The following PTCSC3 variants were observed in gnomAD, a reference collection of about 807,000 sequenced individuals.
PTCSC3 encodes the protein papillary thyroid carcinoma susceptibility candidate 3 (non-protein coding).
At chr14:36,168,566 C>T (rs900908048) in intron 1 of PTCSC3, among the ~76,000 whole-genome samples, 1 of 151,506 alleles carries the variant, frequency 6.6e-6, no homozygotes, top group Non-Finnish European at 1.5e-5. Context: ...ATAATAGAAG[C>T]AGAAACTCAG....
intron 3 of PTCSC3, among the ~76,000 whole-genome samples, chr14:36,142,145 G>A (rs961478905): frequency 6.6e-6 from 1 of 152,158 alleles, no homozygotes; most frequent in Non-Finnish European, 1.5e-5. Context: ...TAAGTATGAT[G>A]TTAGCTGGAA....
At chr14:36,156,162 C>A (rs1161046431) in intron 2 of PTCSC3, among the ~76,000 whole-genome samples, 10 of 152,316 alleles carry the variant, frequency 6.6e-5, no homozygotes, top group Non-Finnish European at 1.5e-4. Flanking sequence ...CATCACCGTA[C>A]GTCTCTGCTC....
intron 2 of PTCSC3, among the ~76,000 whole-genome samples, chr14:36,154,640 G>T (rs1881791060): frequency 6.6e-6 from 1 of 152,090 alleles, no homozygotes; most frequent in Admixed American, 6.5e-5. Flanking sequence ...GGGGATGAGG[G>T]TCTGACTGGG....
chr14:36,175,657 A>G (rs1882269827), intron 1 of PTCSC3, among the ~76,000 whole-genome samples: 1 of 152,222 alleles, frequency 6.6e-6, no homozygotes, highest in South Asian at 2.1e-4. Context: ...GAAAGAAAGG[A>G]GGAAGAACCC....
chr14:36,138,603 T>C (rs1188586951), intron 3 of PTCSC3, among the ~76,000 whole-genome samples: 3 of 152,210 alleles, frequency 2.0e-5, no homozygotes, highest in Non-Finnish European at 4.4e-5. Flanking sequence ...TCATTAATCA[T>C]TAAGGATATG....
intron 1 of PTCSC3, chr14:36,164,231 T>G (rs1297216999): frequency 3.3e-5 from 5 of 152,210 alleles, no homozygotes; most frequent in Non-Finnish European, 1.5e-5. Context: ...ACCTGTACTC[T>G]CAAGACTTAG....
chr14:36,139,816 A>G (rs552669510), intron 3 of PTCSC3, among the ~76,000 whole-genome samples: 4 of 152,320 alleles, frequency 2.6e-5, no homozygotes, highest in South Asian at 4.1e-4. Flanking sequence ...TAATTAATAA[A>G]CCAATATTGA....
chr14:36,137,162 AAGG>A (rs1370936510), intron 3 of PTCSC3, among the ~76,000 whole-genome samples: 1 of 152,168 alleles, frequency 6.6e-6, no homozygotes, highest in Non-Finnish European at 1.5e-5. Flanking sequence ...CAAAGGGAGG[AAGG>A]AGGCCATGCA....
downstream of PTCSC3, among the ~76,000 whole-genome samples, chr14:36,135,628 A>G (rs571228716): frequency 3.9e-5 from 6 of 152,298 alleles, no homozygotes; most frequent in South Asian, 2.1e-4. Context: ...CTCATGCTGT[A>G]TGTGTCATAA....
At chr14:36,135,597 T>C (rs2139083839), downstream of PTCSC3, among the ~76,000 whole-genome samples, 1 of 152,316 alleles carries the variant, frequency 6.6e-6, no homozygotes, top group Admixed American at 6.5e-5. Context: ...AGGCACTGAC[T>C]TCAAAATTTT....
intron 2 of PTCSC3, among the ~76,000 whole-genome samples, chr14:36,158,020 T>C (rs550932380): frequency 6.6e-6 from 1 of 152,330 alleles, no homozygotes; most frequent in Admixed American, 6.5e-5. Flanking sequence ...TTTGAAGCAA[T>C]GGCAAATGGG....
intron 1 of PTCSC3, among the ~76,000 whole-genome samples, chr14:36,170,603 A>G (rs1056279685): frequency 1.3e-5 from 2 of 152,108 alleles, no homozygotes; most frequent in Admixed American, 1.3e-4. Context: ...AAAATAACCT[A>G]GAGTTTAATT....
chr14:36,139,893 G>A (rs1295557858), intron 3 of PTCSC3, among the ~76,000 whole-genome samples: 4 of 152,148 alleles, frequency 2.6e-5, no homozygotes, highest in African/African-American at 7.2e-5. Context: ...AGTTCTGTGG[G>A]TTTTGACAAA....
chr14:36,166,945 C>T (rs536491020), intron 1 of PTCSC3, among the ~76,000 whole-genome samples: 51 of 152,218 alleles, frequency 3.4e-4, no homozygotes, highest in South Asian at 6.2e-4. Context: ...AACTTTATAG[C>T]GACCAACAAA....
chr14:36,135,889 G>A (rs80190337), downstream of PTCSC3, among the ~76,000 whole-genome samples: 1,077 of 139,434 alleles, frequency 7.7e-3, 8 homozygotes, highest in African/African-American at 0.021. Flanking sequence ...GTGTGTGTGT[G>A]TATATATATA....
downstream of PTCSC3, among the ~76,000 whole-genome samples, chr14:36,135,577 T>A (rs545212957): frequency 6.9e-4 from 105 of 152,324 alleles, no homozygotes; most frequent in South Asian, 0.012. Context: ...TCTGCACCTG[T>A]GAACCACAGA....
chr14:36,134,900 G>C (rs1281218214), downstream of PTCSC3, among the ~76,000 whole-genome samples: 1 of 152,204 alleles, frequency 6.6e-6, no homozygotes. Flanking sequence ...TTTATGGGCA[G>C]GGCATCGTTT....
chr14:36,168,319 C>A (rs1481474431), intron 1 of PTCSC3, among the ~76,000 whole-genome samples: 5 of 144,168 alleles, frequency 3.5e-5, no homozygotes, highest in Admixed American at 2.8e-4. Context: ...CCTTTGCATT[C>A]CATTAAAACC....
Position 36,139,143 on chromosome 14 carries a change from AAT to A in PTCSC3, n.323-2789_323-2788del, listed in dbSNP as rs1369590626. ...ATAAAAAAAAAAAAAAAAAAAAAGA[AAT>A]GCATATATGTCCATACAAAGACTGC... On this transcript the variant is annotated intron_variant and non_coding_transcript_variant, in intron 3 of 3. Coordinates refer to ENST00000556013, the Ensembl canonical transcript of PTCSC3. Among the ~76,000 whole-genome samples, 512 of 128,002 alleles carry A rather than the reference AAT, an allele frequency of 4.0e-3. 17 individuals are homozygous for A. The highest frequency in any genetic ancestry group is 7.1e-3 in the African/African-American group (227 of 32,112). 84.0% of individuals were successfully genotyped at this position (128,002 alleles called of 152,430 possible).
Sources: gnomAD v4.1 joint callset for allele counts (sites outside exome capture counted in the v4.1 genomes callset) on GRCh38, gnomAD v4.1.1 for gene constraint, MANE v1.5 for transcripts, NCBI Gene and HGNC (gene_info 2026-07-23, HGNC 2026-07-21) for gene names.